KCNH2: variants seen among roughly 807,000 people sequenced by gnomAD.
KCNH2 encodes potassium voltage-gated channel subfamily H member 2.
Under a neutral mutation model 95.9 loss-of-function variants are expected in KCNH2, and 35 were observed. The ratio of observed to expected loss-of-function variants is 0.37; its 90% confidence interval spans 0.28 to 0.48. KCNH2 has a LOEUF of 0.48. KCNH2 is among the 20% of genes least tolerant of loss of function. The pLI is 0.99. For synonymous variants in KCNH2, 786 were observed against 754.7 expected (o/e 1.04, Z -0.68); for missense variants, 1,274 against 1,702.9 (o/e 0.75, Z 4.43).
At chr7:150,964,213 G>C (rs7789011) in intron 2 of KCNH2, among the ~76,000 whole-genome samples, 1 of 152,162 alleles carries the variant, frequency 6.6e-6, no homozygotes, top group East Asian at 1.9e-4. Flanking sequence ...CAGAGTCTCC[G>C]TGCGCTCCTC....
rs762312886 is a variant in KCNH2, at chr7:150,947,703, C to T, written c.2868G>A (p.Val956=). Residue 956 remains valine, a synonymous_variant, in exon 12 of 15, where the codon GTG becomes GTA. Coordinates refer to ENST00000262186, the MANE Select transcript of KCNH2 (RefSeq NM_000238.4). ...PGRSSSPLRL[V]PFSSPRPPGE... Reference sequence around the variant, plus strand: ...CGGGGGGCCTGGGGCTGGAGAAGGGCACCAGGCGGAGGGGGCTGGAGCTGC... The same window carrying T: ...CGGGGGGCCTGGGGCTGGAGAAGGGTACCAGGCGGAGGGGGCTGGAGCTGC... 1.9e-6 allele frequency: 3 copies of T among 1,590,156 alleles called. No individual in the cohort carries two copies. The highest frequency in any genetic ancestry group is 1.1e-5 in the South Asian group (1 of 88,226).
chr7:150,958,162 G>A lies in KCNH2; in HGVS notation c.813C>T (p.Arg271=), dbSNP rs13230253. The change falls in exon 4 of 15, where the codon CGC becomes CGT. Residue 271 remains arginine, a synonymous_variant. Transcript: ENST00000262186. ...GCACGCTGGCGCAGCTTTCTCGGGA[G>A]CGCGTCCGGGCCAGGCTGCAGCTGG... is the stretch of plus-strand genomic sequence containing the variant. ...SGSSCSLART[R]SRESCASVRR... is the part of the protein sequence containing the mutation. 1.3e-5 allele frequency: 17 copies of A among 1,336,294 alleles called. No individual in the cohort carries two copies. The highest frequency in any genetic ancestry group is 1.6e-5 in the Non-Finnish European group (17 of 1,046,008). 82.8% of individuals were successfully genotyped at this position (1,336,294 alleles called of 1,614,324 possible).
At position 150,974,707 on chromosome 7, in the gene KCNH2, C is replaced by G. The variant is rs751253233; in HGVS notation, c.307+4G>C. On this transcript the variant is annotated splice_donor_region_variant and intron_variant, in intron 2 of 14. Transcript: ENST00000262186. ...GTCGTGGCCCCGCCCCGGCCCGCTC[C>G]TACCATCTTTCCGGTAGAAGGCGAT... 6.3e-7 allele frequency: 1 copy of G among 1,589,428 alleles called. No homozygotes were observed. Among genetic ancestry groups the G allele is most frequent in the Non-Finnish European group, 8.6e-7 (1 of 1,168,306 alleles).
At chr7:150,971,094 G>A (rs11763131) in intron 2 of KCNH2, among the ~76,000 whole-genome samples, 34,554 of 152,136 alleles carry the variant, frequency 0.23, 4,473 homozygotes, top group South Asian at 0.29. Context: ...TTAAAGGAAT[G>A]GGCACAGGAA....
rs2116997449 is a variant in KCNH2, at chr7:150,957,333, C to G, written c.1086G>C (p.Lys362Asn). ...TGACATTGTGGGTTCGCTCCTTTAT[C>G]TTAGGTGCTATGATCTCACGGTCAC... Reference protein sequence around the residue: ...PTSDREIIAPKIKERTHNVTE... With the variant: ...PTSDREIIAPNIKERTHNVTE... Residue 362 changes from lysine to asparagine, a missense_variant, in exon 5 of 15, where the codon AAG becomes AAC. Transcript: ENST00000262186. 3.1e-6 allele frequency: 5 copies of G among 1,607,342 alleles called. No individual in the cohort carries two copies. Among genetic ancestry groups the G allele is most frequent in the Non-Finnish European group, 4.2e-6 (5 of 1,176,910 alleles).
In KCNH2 at chr7:150,952,093, G is replaced by A. The variant is rs568570867; in HGVS notation, c.1558-258C>T. Among the ~76,000 whole-genome samples, 1 of 152,296 alleles carries A rather than the reference G, an allele frequency of 6.6e-6. No homozygotes were observed. Among genetic ancestry groups the A allele is most frequent in the East Asian group, 1.9e-4 (1 of 5,188 alleles). ...TGACAGGTGCAGTGATCACCCTAGG[G>A]TGCCTGCCCACTCCCACCAGCTTCT... On this transcript the variant is annotated intron_variant, in intron 6 of 14. Transcript: ENST00000262186. The surrounding 1 kb of genome is among the most constrained non-coding windows in gnomAD (Gnocchi z 7.3).
rs1046114222 is a variant in KCNH2, at chr7:150,977,996, G to A, written c.-83C>T. On this transcript the variant is annotated 5_prime_UTR_variant, in exon 1 of 15. Transcript: ENST00000262186. ...GCACTAGGCTTCGGGTGGCCCGGCCGGGCCGTGGTCCCCGCACCCCGCGGC... is the reference window on the plus strand; with the variant it reads ...GCACTAGGCTTCGGGTGGCCCGGCCAGGCCGTGGTCCCCGCACCCCGCGGC... The A allele has an allele frequency of 4.7e-5, 32 of 673,992 alleles. No individual in the cohort carries two copies. Among genetic ancestry groups the A allele is most frequent in the Non-Finnish European group, 6.0e-5 (29 of 481,800 alleles). The allele number at this position is 673,992 out of a possible 1,614,324, so 41.8% of individuals were successfully genotyped here.
Position 150,958,248 on chromosome 7 carries a change from T to C in KCNH2, c.727A>G (p.Ser243Gly). The C allele has an allele frequency of 7.1e-7, 1 of 1,410,920 alleles. No homozygotes were observed. Among genetic ancestry groups the C allele is most frequent in the South Asian group, 1.5e-5 (1 of 66,476 alleles). The allele number at this position is 1,410,920 out of a possible 1,614,324, so 87.4% of individuals were successfully genotyped here. Residue 243 changes from serine to glycine, a missense_variant, in exon 4 of 15, where the codon AGC (serine) becomes GGC (glycine). This residue lies in a region of KCNH2 where 392 missense variants were observed against 429.9 expected (regional missense o/e 0.91). Transcript: ENST00000262186. ...GGCGATGGGAGCTGGCCGGGCGCGC[T>C]GCGGGGCGGAGAGCCGGGACCCACC... ...ALVGPGSPPR[S>G]APGQLPSPRA...
chr7:150,945,324 T>G lies in KCNH2; in HGVS notation c.*41A>C. 6.4e-7 allele frequency: 1 copy of G among 1,567,272 alleles called. No individual in the cohort carries two copies. ...CAAGGGGAGCGGCCCAGCAGCGCCTTGATCCCTGGGTGAGCCACGTGTCCA... is the reference window on the plus strand; with the variant it reads ...CAAGGGGAGCGGCCCAGCAGCGCCTGGATCCCTGGGTGAGCCACGTGTCCA... On this transcript the variant is annotated 3_prime_UTR_variant, in exon 15 of 15. Coordinates refer to ENST00000262186, the MANE Select transcript of KCNH2 (RefSeq NM_000238.4). This position sits in a 1 kb window ranked among gnomAD's most constrained non-coding sequence, Gnocchi z 5.6.
rs1161532169 is a variant in KCNH2, at chr7:150,958,453, C to A, written c.522G>T (p.Thr174=). The change falls in exon 4 of 15, where the codon ACG becomes ACT. Residue 174 remains threonine (T), a synonymous_variant. Coordinates refer to ENST00000262186, the MANE Select transcript of KCNH2 (RefSeq NM_000238.4). ...CCGACCGCACCGACGACTCCCGGGC[C>A]GTCAGCGCCAGCAGCGCGGGCAGCT... ...RLKLPALLAL[T]ARESSVRSGG... is the part of the protein sequence containing the mutation. 4.8e-6 allele frequency: 7 copies of A among 1,466,312 alleles called. No homozygotes were observed. Among genetic ancestry groups the A allele is most frequent in the Non-Finnish European group, 5.4e-6 (6 of 1,115,514 alleles). The allele number at this position is 1,466,312 out of a possible 1,614,324, so 90.8% of individuals were successfully genotyped here.
At position 150,961,309 on chromosome 7, in the gene KCNH2, T is replaced by C. The variant is rs1222413577; in HGVS notation, c.308-1573A>G. Among the ~76,000 whole-genome samples the C allele has an allele frequency of 2.6e-5, 2 of 78,264 alleles. No homozygotes were observed. Among genetic ancestry groups the C allele is most frequent in the Middle Eastern group, 5.8e-3 (1 of 172 alleles). The allele number at this position is 78,264 out of a possible 152,430, so 51.3% of individuals were successfully genotyped here. On this transcript the variant is annotated intron_variant, in intron 2 of 14. Coordinates refer to ENST00000262186, the MANE Select transcript of KCNH2 (RefSeq NM_000238.4). The surrounding 1 kb of genome is among the most constrained non-coding windows in gnomAD (Gnocchi z 6.2). ...CCCAGCCTCACTTTTTTTTTTTTTTTTTTTCTGAGACAGGGTTTCACTCTG... is the reference window on the plus strand; with the variant it reads ...CCCAGCCTCACTTTTTTTTTTTTTTCTTTTCTGAGACAGGGTTTCACTCTG...
Position 150,946,842 on chromosome 7 carries a change from T to A in KCNH2, c.3330+35A>T. ...GGGCTGGAATCGGGGAACAAGCGGGTCACGGTACATCGAGGAAGCAGGGCT... is the reference window on the plus strand; with the variant it reads ...GGGCTGGAATCGGGGAACAAGCGGGACACGGTACATCGAGGAAGCAGGGCT... On this transcript the variant is annotated intron_variant, in intron 14 of 14. Coordinates refer to ENST00000262186, the MANE Select transcript of KCNH2 (RefSeq NM_000238.4). The surrounding 1 kb of genome is among the most constrained non-coding windows in gnomAD (Gnocchi z 6.5). 1 of 1,576,202 alleles carries A rather than the reference T, an allele frequency of 6.3e-7. No individual in the cohort carries two copies. Among genetic ancestry groups the A allele is most frequent in the Non-Finnish European group, 8.7e-7 (1 of 1,154,974 alleles).
At chr7:150,975,050 C>T (rs1801946709) in intron 1 of KCNH2, 109 bp from the exon 2 acceptor site, 2 of 945,586 alleles carry the variant, frequency 2.1e-6, no homozygotes, top group South Asian at 3.2e-5. Flanking sequence ...CTCCCCGCCA[C>T]AGGAAGCATG....
intron 9 of KCNH2, 193 bp downstream of exon 9, chr7:150,949,975 G>A (rs1441154141): frequency 6.5e-7 from 1 of 1,547,756 alleles, no homozygotes. Flanking sequence ...CCAGAGTTCA[G>A]CAGCCTCACC....
intron 9 of KCNH2, 84 bp downstream of exon 9, chr7:150,950,084 C>T (rs1418126057): frequency 6.2e-7 from 1 of 1,613,232 alleles, no homozygotes; most frequent in Admixed American, 1.7e-5. Flanking sequence ...GTCCACAGCC[C>T]CAGTGACTGC....
intron 7 of KCNH2, 138 bp from the exon 8 acceptor site, chr7:150,951,258 G>T: frequency 2.0e-6 from 2 of 984,770 alleles, no homozygotes; most frequent in Non-Finnish European, 3.1e-6. Context: ...GTACATCTGC[G>T]CTCCAGCACA....
intron 2 of KCNH2, among the ~76,000 whole-genome samples, chr7:150,966,855 GCTCTTGAGTGGGA>G (rs112948920): frequency 0.05 from 7,625 of 152,248 alleles, 277 homozygotes; most frequent in African/African-American, 0.091. Context: ...GACAATCCAG[GCTCTTGAGTGGGA>G]CAAATATAAA....
rs1309224856 is a variant in KCNH2 at position 150,948,434 on chromosome 7, C to T, written c.2692+10G>A. 3 of 1,576,240 alleles carry T rather than the reference C, an allele frequency of 1.9e-6. No individual in the cohort carries two copies. Among genetic ancestry groups the T allele is most frequent in the Non-Finnish European group, 2.6e-6 (3 of 1,154,234 alleles). ...CCCGCCCTCCCCCTTCCTCCCCTCCCCCGCCTCACCCTTGTCCGTGCGCCT... is the reference window on the plus strand; with the variant it reads ...CCCGCCCTCCCCCTTCCTCCCCTCCTCCGCCTCACCCTTGTCCGTGCGCCT... On this transcript the variant is annotated intron_variant, in intron 11 of 14. Transcript: ENST00000262186.
Position 150,947,405 on chromosome 7 carries a change from G to C in KCNH2, c.3075C>G (p.Ile1025Met). 1 of 1,532,970 alleles carries C rather than the reference G, an allele frequency of 6.5e-7. No individual in the cohort carries two copies. Among genetic ancestry groups the C allele is most frequent in the Non-Finnish European group, 8.8e-7 (1 of 1,132,894 alleles). 95.0% of individuals were successfully genotyped at this position (1,532,970 alleles called of 1,614,324 possible). Residue 1025 changes from isoleucine to methionine, a missense_variant, in exon 13 of 15, where the codon ATC (isoleucine) becomes ATG (methionine). By Grantham distance (10) the Ile-to-Met change is conservative (BLOSUM62 1). Around this residue, in one of 7 missense-constraint regions of KCNH2, gnomAD observed 457 missense variants for 416.1 expected, o/e 1.10. Coordinates refer to ENST00000262186, the MANE Select transcript of KCNH2 (RefSeq NM_000238.4). ...GCCGCCGACCCGGGCTGGAGAGGGG[G>C]ATGTTGAGGAGGCTGGGGGTGGGGG... The part of the protein sequence containing the change: ...CPAPTPSLLN[I>M]PLSSPGRRPR...
Sources: gnomAD v4.1 joint callset for allele counts (sites outside exome capture counted in the v4.1 genomes callset) on GRCh38, gnomAD v4.1.1 for gene constraint, gnomAD v4.1.1 regional missense constraint, Gnocchi (gnomAD v3.1) non-coding constraint, MANE v1.5 for transcripts, NCBI Gene and HGNC (gene_info 2026-07-23, HGNC 2026-07-21) for gene names.